The following ZNF414 variants were observed in gnomAD, a reference collection of about 807,000 sequenced individuals.
ZNF414 encodes zinc finger protein 414.
In ZNF414, 32 loss-of-function variants were observed where a neutral mutation model predicts 38.3. The ratio of observed to expected loss-of-function variants is 0.83; its 90% CI spans 0.63 to 1.12. ZNF414 has a LOEUF of 1.12. ZNF414 is among the 50% of genes most tolerant of loss of function. The pLI is 0.00. For synonymous variants in ZNF414, 256 were observed against 248.0 expected (o/e 1.03, Z -0.30); for missense variants, 589 against 557.4 (o/e 1.06, Z -0.57).
Position 8,511,980 on chromosome 19 carries a change from T to A in ZNF414, c.531-20A>T. On this transcript the variant is annotated intron_variant, in intron 4 of 7. Coordinates refer to ENST00000393927, the MANE Select transcript of ZNF414 (RefSeq NM_001146175.2). ...TCACACCTGGAGGTGGGCAGAGGGC[T>A]GGGCTGGGCTGGGCCTCCAGGGGCA... 7.1e-7 allele frequency: 1 copy of A among 1,401,962 alleles called. No individual in the cohort carries two copies. The highest frequency in any genetic ancestry group is 9.2e-7 in the Non-Finnish European group (1 of 1,085,612). The allele number at this position is 1,401,962 out of a possible 1,614,324, so 86.8% of individuals were successfully genotyped here.
rs921638772 is a variant in ZNF414, at chr19:8,510,087, G to C, written c.*604C>G. Reference sequence around the variant, plus strand: ...GGGCGGATCATGAGGTCAGGAGATCGAGACCATCCTGGCTAACGCGGTGAA... The same window carrying C: ...GGGCGGATCATGAGGTCAGGAGATCCAGACCATCCTGGCTAACGCGGTGAA... On this transcript the variant is annotated 3_prime_UTR_variant, in exon 8 of 8. Coordinates refer to ENST00000393927, the MANE Select transcript of ZNF414 (RefSeq NM_001146175.2). 2 of 151,496 alleles carry C rather than the reference G, an allele frequency of 1.3e-5. No homozygotes were observed. The highest frequency in any genetic ancestry group is 2.9e-5 in the Non-Finnish European group (2 of 67,866). The allele number at this position is 151,496 out of a possible 1,614,324, so 9.4% of individuals were successfully genotyped here. A position where few individuals can be genotyped will look rare whatever the true frequency, so the allele number is the denominator to read the frequency against.
At chr19:8,512,830 C>G (rs1599892302) in intron 2 of ZNF414, 119 bp from the exon 3 acceptor site, 1 of 1,192,596 alleles carries the variant, frequency 8.4e-7, no homozygotes. Context: ...CTCTGCCTAC[C>G]ACAACAGACT....
At chr19:8,512,200 C>G (rs1971927466) in intron 4 of ZNF414, 187 bp downstream of exon 4, 1 of 1,433,136 alleles carries the variant, frequency 7.0e-7, no homozygotes, top group African/African-American at 1.4e-5. Flanking sequence ...GAGGTAAAGC[C>G]TGGCTGGGTG....
In ZNF414 at chr19:8,510,672, ACC is replaced by A; in HGVS notation, c.*17_*18del. The A allele has an allele frequency of 6.7e-7, 1 of 1,495,970 alleles. No individual in the cohort carries two copies. Among genetic ancestry groups the A allele is most frequent in the South Asian group, 1.3e-5 (1 of 78,464 alleles). The allele number at this position is 1,495,970 out of a possible 1,614,324, so 92.7% of individuals were successfully genotyped here. On this transcript the variant is annotated 3_prime_UTR_variant, in exon 8 of 8. Transcript: ENST00000393927. ...CAAAACTACCCACATCCCATGGCCC[ACC>A]CCCAAAGCGGCGGGATTCAGAGCTG...
chr19:8,512,891 C>A, intron 2 of ZNF414, 138 bp downstream of exon 2: 2 of 1,259,784 alleles, frequency 1.6e-6, no homozygotes, highest in East Asian at 5.3e-5. Context: ...ATTGGAGCCA[C>A]AGCCTGGCAT....
chr19:8,512,756 G>A, intron 2 of ZNF414, 45 bp from the exon 3 acceptor site: 1 of 1,444,440 alleles, frequency 6.9e-7, no homozygotes, highest in Non-Finnish European at 9.2e-7. Context: ...TTCCTCACTA[G>A]TGCTGTCCCT....
chr19:8,511,544 AAAGGGGCGGGTC>A lies in ZNF414; in HGVS notation c.875-20_875-9del. On this transcript the variant is annotated splice_polypyrimidine_tract_variant and intron_variant, in intron 5 of 7. Transcript: ENST00000393927. The stretch of plus-strand genomic sequence containing the variant: ...GGGGGCTGCTGCCAGCACCTGCGGT[AAAGGGGCGGGTC>A]AAGTTCAGAGTCAGGGCGAGCCCAG... 1 of 1,595,626 alleles carries A rather than the reference AAAGGGGCGGGTC, an allele frequency of 6.3e-7. No individual in the cohort carries two copies. Among genetic ancestry groups the A allele is most frequent in the South Asian group, 1.1e-5 (1 of 89,498 alleles).
Position 8,510,458 on chromosome 19 carries a change from C to T in ZNF414, c.*233G>A, listed in dbSNP as rs953110823. 3.6e-5 allele frequency: 14 copies of T among 393,654 alleles called. No individual in the cohort carries two copies. The highest frequency in any genetic ancestry group is 6.0e-5 in the Non-Finnish European group (13 of 218,082). The allele number at this position is 393,654 out of a possible 1,614,324, so 24.4% of individuals were successfully genotyped here. On this transcript the variant is annotated 3_prime_UTR_variant, in exon 8 of 8. Coordinates refer to ENST00000393927, the MANE Select transcript of ZNF414 (RefSeq NM_001146175.2). ...ATTGGGGTGATGGGAAGACAGGACACAGGTGGGCTGTGAGGCCTGCACCTG... is the reference window on the plus strand; with the variant it reads ...ATTGGGGTGATGGGAAGACAGGACATAGGTGGGCTGTGAGGCCTGCACCTG...
At chr19:8,511,424 G>T in intron 6 of ZNF414, 62 bp downstream of exon 6, 10 of 1,582,678 alleles carry the variant, frequency 6.3e-6, no homozygotes, top group Non-Finnish European at 8.6e-6. Context: ...GTATCCACCA[G>T]ACCCCGCAGG....
Position 8,512,402 on chromosome 19 carries a change from G to T in ZNF414, c.515C>A (p.Pro172His). 6.2e-7 allele frequency: 1 copy of T among 1,614,166 alleles called. No individual in the cohort carries two copies. The highest frequency in any genetic ancestry group is 1.1e-5 in the South Asian group (1 of 91,076). ...LVAHSKLHYK[P>H]NRYFKCENCL... Reference sequence around the variant, plus strand: ...AGGGTCTCACTTGAAGTAGCGATTGGGTTTGTAGTGCAGTTTGCTGTGAGC... The same window carrying T: ...AGGGTCTCACTTGAAGTAGCGATTGTGTTTGTAGTGCAGTTTGCTGTGAGC... Residue 172 changes from proline (P) to histidine (H), a missense_variant, in exon 4 of 8, where the codon CCC becomes CAC. Transcript: ENST00000393927.
rs1568323810 is a variant in ZNF414, at chr19:8,514,072, TC to T, written c.-27del. The T allele has an allele frequency of 4.8e-6, 7 of 1,471,554 alleles. No individual in the cohort carries two copies. The highest frequency in any genetic ancestry group is 3.6e-4 in the Middle Eastern group (2 of 5,528). 91.2% of individuals were successfully genotyped at this position (1,471,554 alleles called of 1,614,324 possible). ...CTTCGACACGGCTCGGCCTCTTGTT[TC>T]TGCGGCTCCGGCGGCTGCAGCTTAG... On this transcript the variant is annotated 5_prime_UTR_variant, in exon 1 of 8. Coordinates refer to ENST00000393927, the MANE Select transcript of ZNF414 (RefSeq NM_001146175.2).
chr19:8,511,157 A>T lies in ZNF414; in HGVS notation c.926-133T>A, dbSNP rs114765008. 2.3e-4 allele frequency: 291 copies of T among 1,286,634 alleles called. 1 individual carries two copies. The African/African-American group carries it at 4.0e-3, about 18-fold the overall frequency. The allele number at this position is 1,286,634 out of a possible 1,614,324, so 79.7% of individuals were successfully genotyped here. A position where few individuals can be genotyped will look rare whatever the true frequency, so the allele number is the denominator to read the frequency against. On this transcript the variant is annotated intron_variant, in intron 6 of 7. Transcript: ENST00000393927. ...CCATCAGCTTCCGGGCGCCTAGTTC[A>T]GTTTCTCCCGGGTCTGTCTGCCCCT...
intron 1 of ZNF414, 150 bp from the exon 2 acceptor site, chr19:8,513,491 C>A: frequency 2.7e-6 from 2 of 738,976 alleles, no homozygotes; most frequent in South Asian, 4.3e-5. Context: ...TGGGGTCTCG[C>A]CATGTTGCCC....
rs755718020 is a variant in ZNF414 at position 8,512,512 on chromosome 19, G to C, written c.425-20C>G. The C allele has an allele frequency of 6.2e-7, 1 of 1,613,886 alleles. No homozygotes were observed. The highest frequency in any genetic ancestry group is 8.5e-7 in the Non-Finnish European group (1 of 1,179,886). Reference sequence around the variant, plus strand: ...GCTTGCCTGGTAGGGATGAAGGACAGAGAAGTGGAGACAGGTGGCCAAGGC... The same window carrying C: ...GCTTGCCTGGTAGGGATGAAGGACACAGAAGTGGAGACAGGTGGCCAAGGC... On this transcript the variant is annotated intron_variant, in intron 3 of 7. Transcript: ENST00000393927.
At position 8,512,672 on chromosome 19, in the gene ZNF414, C is replaced by T. The variant is rs147329985; in HGVS notation, c.356G>A (p.Ser119Asn). 134 of 1,581,570 alleles carry T rather than the reference C, an allele frequency of 8.5e-5. No homozygotes were observed. The African/African-American group carries it at 1.6e-3, about 19-fold the overall frequency. ...IPCSSPGCCL[S>N]FPSVRDLAQH... ...TGCCAGGTCACGGACGCTGGGAAAA[C>T]TGAGGCAGCAGCCAGGGCTGGAGCA... The change falls in exon 3 of 8, where the codon AGT (serine) becomes AAT (asparagine). Residue 119 changes from serine to asparagine, a missense_variant. Transcript: ENST00000393927.
rs1971896578 is a variant in ZNF414, at chr19:8,510,355, TC to T, written c.*335del. On this transcript the variant is annotated 3_prime_UTR_variant, in exon 8 of 8. Transcript: ENST00000393927. The stretch of plus-strand genomic sequence containing the variant: ...TGGAGAGTCCCCATCCCATTTGGTT[TC>T]TGGACAAGGGAGAACGCTGCCACAG... 4.1e-6 allele frequency: 1 copy of T among 241,762 alleles called. No homozygotes were observed. Among genetic ancestry groups the T allele is most frequent in the Non-Finnish European group, 7.9e-6 (1 of 127,242 alleles). 15.0% of individuals were successfully genotyped at this position (241,762 alleles called of 1,614,324 possible).
chr19:8,512,815 T>C, intron 2 of ZNF414, 104 bp from the exon 3 acceptor site: 2 of 1,237,006 alleles, frequency 1.6e-6, no homozygotes, highest in Non-Finnish European at 2.2e-6. Flanking sequence ...GCTGGGGCCT[T>C]TACTCTCTGC....
At position 8,514,100 on chromosome 19, in the gene ZNF414, C is replaced by G; in HGVS notation, c.-54G>C. 6.9e-7 allele frequency: 1 copy of G among 1,454,520 alleles called. No individual in the cohort carries two copies. Among genetic ancestry groups the G allele is most frequent in the Admixed American group, 2.5e-5 (1 of 39,354 alleles). 90.1% of individuals were successfully genotyped at this position (1,454,520 alleles called of 1,614,324 possible). A position where few individuals can be genotyped will look rare whatever the true frequency, so the allele number is the denominator to read the frequency against. On this transcript the variant is annotated 5_prime_UTR_variant, in exon 1 of 8. Coordinates refer to ENST00000393927, the MANE Select transcript of ZNF414 (RefSeq NM_001146175.2). ...GCGGCTCCGGCGGCTGCAGCTTAGG[C>G]GGCGGCCACCCTCTGGGCAGTGCGA...
At chr19:8,512,755 A>C (rs1170359824) in intron 2 of ZNF414, 44 bp from the exon 3 acceptor site, 9 of 1,446,728 alleles carry the variant, frequency 6.2e-6, no homozygotes, top group Non-Finnish European at 8.3e-6. Context: ...CTTCCTCACT[A>C]GTGCTGTCCC....
Sources: allele counts gnomAD v4.1 joint callset, GRCh38; gene constraint gnomAD v4.1.1; transcripts MANE v1.5; gene names NCBI Gene and HGNC (gene_info 2026-07-23, HGNC 2026-07-21).